Variants in ESCO1 observed in about 807,000 individuals in gnomAD.
ESCO1 encodes the protein N-acetyltransferase ESCO1.
Under a neutral mutation model 83.5 loss-of-function variants are expected in ESCO1, and 33 were observed. The observed-to-expected ratio is 0.40, with a 90% CI of 0.30 to 0.53. ESCO1 has a LOEUF of 0.53. ESCO1 is among the 20% of genes least tolerant of loss of function. The probability of loss-of-function intolerance (pLI) is 0.63; values close to 1 mark genes in which losing one functional copy is unlikely to be tolerated. For missense variants in ESCO1, 855 were observed against 968.0 expected (o/e 0.88, Z 1.55); for synonymous variants, 332 against 324.3 (o/e 1.02, Z -0.25).
rs762284408 is a variant in ESCO1, at chr18:21,536,204, T to C, written c.2044-19A>G. The C allele has an allele frequency of 1.2e-6, 2 of 1,600,770 alleles. No homozygotes were observed. The highest frequency in any genetic ancestry group is 4.5e-5 in the East Asian group (2 of 44,706). ...CGTCAACCTGCCAAATAAAGAACAG[T>C]AATTATTTTTAAATGAAAATATTAT... On this transcript the variant is annotated intron_variant, in intron 9 of 11. Transcript: ENST00000269214.
intron 8 of ESCO1, among the ~76,000 whole-genome samples, chr18:21,560,163 A>G (rs2038164090): frequency 6.6e-6 from 1 of 152,140 alleles, no homozygotes; most frequent in Admixed American, 6.6e-5. Context: ...ATGGGTAAAC[A>G]GCAATTCAAT....
chr18:21,568,308 A>C (rs1180627818), intron 4 of ESCO1, among the ~76,000 whole-genome samples: 1 of 152,142 alleles, frequency 6.6e-6, no homozygotes, highest in Non-Finnish European at 1.5e-5. Flanking sequence ...CAAGCAGGGT[A>C]CAGCAGTGCA....
At chr18:21,580,895 C>T (rs997569452) in intron 2 of ESCO1, among the ~76,000 whole-genome samples, 1 of 152,190 alleles carries the variant, frequency 6.6e-6, no homozygotes, top group African/African-American at 2.4e-5. Flanking sequence ...GAAGCTGAGG[C>T]AGAAAAATCT....
At chr18:21,594,993 G>A (rs974807223) in intron 1 of ESCO1, among the ~76,000 whole-genome samples, 21 of 149,288 alleles carry the variant, frequency 1.4e-4, no homozygotes, top group Admixed American at 2.0e-4. Flanking sequence ...AAAAACTACA[G>A]GAGAGCACCA....
At chr18:21,581,851 C>T (rs2146220372) in intron 2 of ESCO1, among the ~76,000 whole-genome samples, 1 of 148,604 alleles carries the variant, frequency 6.7e-6, no homozygotes, top group East Asian at 2.0e-4. Flanking sequence ...GATTCCATCT[C>T]AAAGAAAAAT....
At chr18:21,595,364 CAAAAAAAAAAA>C (rs781532392) in intron 1 of ESCO1, among the ~76,000 whole-genome samples, 1 of 43,746 alleles carries the variant, frequency 2.3e-5, no homozygotes, top group Non-Finnish European at 4.7e-5. Context: ...AACTCCGTCT[CAAAAAAAAAAA>C]AAAAAAAAAA....
intron 8 of ESCO1, among the ~76,000 whole-genome samples, chr18:21,559,283 G>T (rs189075573): frequency 1.3e-5 from 2 of 152,328 alleles, no homozygotes; most frequent in Admixed American, 6.5e-5. Context: ...CCCATCAAGG[G>T]GGGGTTGGAG....
intron 8 of ESCO1, among the ~76,000 whole-genome samples, chr18:21,559,687 A>T (rs1232200403): frequency 6.6e-6 from 1 of 152,202 alleles, no homozygotes. Flanking sequence ...TGAGAGAACT[A>T]TTTTTCTTTT....
At chr18:21,545,453 A>G (rs1371265935) in intron 8 of ESCO1, among the ~76,000 whole-genome samples, 2 of 151,396 alleles carry the variant, frequency 1.3e-5, no homozygotes, top group African/African-American at 4.9e-5. Context: ...GGCACCTGTA[A>G]TCCCAGCTAC....
At chr18:21,554,889 C>G (rs984682962) in intron 8 of ESCO1, among the ~76,000 whole-genome samples, 2 of 151,700 alleles carry the variant, frequency 1.3e-5, no homozygotes, top group Admixed American at 1.3e-4. Flanking sequence ...GCCTGGGGGA[C>G]AGAGTGAGGC....
chr18:21,540,065 T>C, intron 8 of ESCO1, 56 bp from the exon 9 acceptor site: 1 of 1,401,848 alleles, frequency 7.1e-7, no homozygotes, highest in East Asian at 2.5e-5. Flanking sequence ...TTTATGTATA[T>C]TCTATTCATT....
At chr18:21,569,963 C>T (rs1377373925) in intron 4 of ESCO1, among the ~76,000 whole-genome samples, 2 of 152,224 alleles carry the variant, frequency 1.3e-5, no homozygotes, top group African/African-American at 4.8e-5. Context: ...TAGCACAGCA[C>T]AGCACCTTGA....
chr18:21,549,357 C>T (rs1280199474), intron 8 of ESCO1, among the ~76,000 whole-genome samples: 1 of 152,106 alleles, frequency 6.6e-6, no homozygotes, highest in Non-Finnish European at 1.5e-5. Flanking sequence ...GGCCAGCATT[C>T]ATGATGACAC....
At chr18:21,568,117 T>G in intron 4 of ESCO1, 23 bp from the exon 5 acceptor site, 1 of 1,545,344 alleles carries the variant, frequency 6.5e-7, no homozygotes, top group African/African-American at 1.4e-5. Flanking sequence ...AATTCAAAAT[T>G]TTTACATCAA....
At chr18:21,565,788 T>A (rs572687760) in intron 6 of ESCO1, among the ~76,000 whole-genome samples, 3 of 152,110 alleles carry the variant, frequency 2.0e-5, no homozygotes, top group South Asian at 2.1e-4. Flanking sequence ...AGAATTTTTT[T>A]TAATTATCCA....
At position 21,560,866 on chromosome 18, in the gene ESCO1, T is replaced by G. The variant is rs762527991; in HGVS notation, c.1946A>C (p.Lys649Thr). The stretch of plus-strand genomic sequence containing the variant: ...TTCACAAATTCCACTTACCACATAT[T>G]TAACAGCACTTATAAACTGGTTGTG... Reference protein sequence around the residue: ...LFHNQFISAVKYVGWKKERIL... With the variant: ...LFHNQFISAVTYVGWKKERIL... Residue 649 changes from lysine (K) to threonine (T), a missense_variant, in exon 8 of 12, where the codon AAA becomes ACA. By Grantham distance (78) the Lys-to-Thr change is moderately conservative. Coordinates refer to ENST00000269214, the MANE Select transcript of ESCO1 (RefSeq NM_052911.3). 6.2e-7 allele frequency: 1 copy of G among 1,603,424 alleles called. No individual in the cohort carries two copies. Among genetic ancestry groups the G allele is most frequent in the South Asian group, 1.1e-5 (1 of 87,092 alleles).
At chr18:21,533,166 C>T (rs970839952) in intron 10 of ESCO1, among the ~76,000 whole-genome samples, 24 of 151,886 alleles carry the variant, frequency 1.6e-4, no homozygotes, top group African/African-American at 5.8e-4. Flanking sequence ...CATCACACTG[C>T]AATCTCTTTA....
intron 11 of ESCO1, 95 bp from the exon 12 acceptor site, chr18:21,530,585 C>G: frequency 8.1e-7 from 1 of 1,239,088 alleles, no homozygotes; most frequent in Non-Finnish European, 1.1e-6. Flanking sequence ...CTGTCAAATA[C>G]AATTTGACTA....
chr18:21,535,807 TGCCCAGCCTGATGGTA>T (rs2037829833), intron 10 of ESCO1, among the ~76,000 whole-genome samples: 1 of 152,234 alleles, frequency 6.6e-6, no homozygotes, highest in Non-Finnish European at 1.5e-5. Context: ...TGAGCCAGTG[TGCCCAGCCTGATGGTA>T]TTCTGATTCT....
Sources: allele counts gnomAD v4.1 joint callset (sites outside exome capture counted in the v4.1 genomes callset), GRCh38; gene constraint gnomAD v4.1.1; transcripts MANE v1.5; gene names NCBI Gene and HGNC (gene_info 2026-07-23, HGNC 2026-07-21).